GRK3: variants seen among roughly 807,000 people sequenced by gnomAD.
GRK3 encodes adrenergic, beta, receptor kinase 2.
A neutral mutation model predicts 95.7 loss-of-function variants in GRK3; 54 were observed. The observed-to-expected ratio is 0.56, with a 90% CI of 0.45 to 0.71. GRK3 has a LOEUF of 0.71. Among genes scored for constraint, GRK3 ranks in the 30% least tolerant of loss-of-function variants. The pLI is 0.00. For missense variants in GRK3, 649 were observed against 851.2 expected (o/e 0.76, Z 2.96); for synonymous variants, 281 against 290.8 (o/e 0.97, Z 0.34).
rs1213459175 is a variant in GRK3 at position 25,724,125 on chromosome 22, C to A, written c.*1675C>A. The stretch of plus-strand genomic sequence containing the variant: ...TTCAAATTCTGTTGAAACACACACA[C>A]ACACACACACACACACACACACACA... On this transcript the variant is annotated 3_prime_UTR_variant, in exon 21 of 21. Transcript: ENST00000324198. 3 of 151,728 alleles carry A rather than the reference C, an allele frequency of 2.0e-5. No individual in the cohort carries two copies. The highest frequency in any genetic ancestry group is 4.4e-5 in the Non-Finnish European group (3 of 68,008). 9.4% of individuals were successfully genotyped at this position (151,728 alleles called of 1,614,324 possible).
chr22:25,705,650 G>A (rs1253223712), intron 15 of GRK3, among the ~76,000 whole-genome samples: 1 of 151,888 alleles, frequency 6.6e-6, no homozygotes, highest in Admixed American at 6.6e-5. Context: ...GATAGTTGTG[G>A]ACTTTGTTTT....
At chr22:25,606,391 T>A (rs982633854) in intron 2 of GRK3, among the ~76,000 whole-genome samples, 16 of 152,170 alleles carry the variant, frequency 1.1e-4, no homozygotes, top group Non-Finnish European at 2.1e-4. Context: ...CGGAGCTGTC[T>A]AGTGTTGTTG....
rs564659534 is a variant in GRK3 at position 25,643,864 on chromosome 22, GTC to G, written c.191-726_191-725del. ...TGTGTACCAGGCATTGTGCAATAGGGTCTGTCTCATCAGAGAAGACTTCAGAG... is the reference window on the plus strand; with the variant it reads ...TGTGTACCAGGCATTGTGCAATAGGGTGTCTCATCAGAGAAGACTTCAGAG... On this transcript the variant is annotated intron_variant, in intron 2 of 20. Transcript: ENST00000324198. Among the ~76,000 whole-genome samples, 106 of 152,290 alleles carry G rather than the reference GTC, an allele frequency of 7.0e-4. No homozygotes were observed. In the East Asian group the frequency reaches 0.013, roughly 18 times the overall value.
intron 1 of GRK3, 76 bp from the exon 2 acceptor site, chr22:25,604,301 G>A (rs1057231303): frequency 9.2e-5 from 98 of 1,066,776 alleles, no homozygotes; most frequent in Non-Finnish European, 1.2e-4. Context: ...CAAGACATCC[G>A]TATCTCTTCC....
intron 1 of GRK3, among the ~76,000 whole-genome samples, chr22:25,585,581 A>G (rs1370100072): frequency 1.3e-5 from 2 of 151,064 alleles, no homozygotes; most frequent in African/African-American, 4.9e-5. Context: ...GTTAATTACA[A>G]AGTTTTAAAG....
intron 15 of GRK3, among the ~76,000 whole-genome samples, chr22:25,707,195 C>T (rs1273575426): frequency 6.6e-6 from 1 of 152,174 alleles, no homozygotes; most frequent in East Asian, 1.9e-4. Flanking sequence ...AAGTTGCATG[C>T]TTTCATGCAA....
chr22:25,629,464 AC>A (rs2084649725), intron 2 of GRK3, among the ~76,000 whole-genome samples: 1 of 152,222 alleles, frequency 6.6e-6, no homozygotes, highest in South Asian at 2.1e-4. Context: ...AACTACGGTT[AC>A]TAGTTTCTCC....
At chr22:25,645,092 T>C (rs945313810) in intron 3 of GRK3, among the ~76,000 whole-genome samples, 5 of 151,390 alleles carry the variant, frequency 3.3e-5, no homozygotes, top group Admixed American at 2.0e-4. Context: ...TGGTGGGGGG[T>C]GTGGTGGGGT....
At chr22:25,613,965 A>T (rs928501176) in intron 2 of GRK3, among the ~76,000 whole-genome samples, 2 of 150,892 alleles carry the variant, frequency 1.3e-5, no homozygotes, top group Non-Finnish European at 2.9e-5. Context: ...TAAAATTATC[A>T]TTCAAGTTCA....
At chr22:25,701,315 G>A (rs572839713) in intron 13 of GRK3, among the ~76,000 whole-genome samples, 1 of 152,164 alleles carries the variant, frequency 6.6e-6, no homozygotes, top group Non-Finnish European at 1.5e-5. Flanking sequence ...TTTCTTTAAC[G>A]TTTTTCAAAA....
chr22:25,665,189 G>T (rs2084933936), intron 5 of GRK3, among the ~76,000 whole-genome samples: 2 of 152,160 alleles, frequency 1.3e-5, no homozygotes, highest in African/African-American at 4.8e-5. Flanking sequence ...CTTTGTACGA[G>T]GCCCGCCTAT....
chr22:25,633,397 G>A (rs967263517), intron 2 of GRK3, among the ~76,000 whole-genome samples: 21 of 152,118 alleles, frequency 1.4e-4, no homozygotes, highest in Admixed American at 3.9e-4. Flanking sequence ...GGGAAGAATG[G>A]CCATCTTACC....
chr22:25,584,143 A>G (rs750146216), intron 1 of GRK3, among the ~76,000 whole-genome samples: 27 of 152,226 alleles, frequency 1.8e-4, no homozygotes, highest in Admixed American at 2.6e-4. Flanking sequence ...TTTGTTTTGA[A>G]AAGTGGCTTT....
At chr22:25,678,678 G>C in intron 8 of GRK3, 138 bp from the exon 9 acceptor site, 1 of 439,472 alleles carries the variant, frequency 2.3e-6, no homozygotes. Flanking sequence ...AATACTTCTT[G>C]CATGGCGCTT....
At chr22:25,663,583 A>G (rs764080527) in intron 4 of GRK3, 47 bp from the exon 5 acceptor site, 6 of 1,276,878 alleles carry the variant, frequency 4.7e-6, no homozygotes, top group Admixed American at 3.7e-5. Context: ...ACATACACAG[A>G]TTGGTTACAT....
chr22:25,587,841 T>G (rs950437807), intron 1 of GRK3, among the ~76,000 whole-genome samples: 26 of 152,340 alleles, frequency 1.7e-4, no homozygotes, highest in African/African-American at 6.0e-4. Flanking sequence ...CCTGCTGCTA[T>G]GTAAGACGTA....
At chr22:25,692,854 G>A (rs565072994) in intron 12 of GRK3, among the ~76,000 whole-genome samples, 1 of 152,184 alleles carries the variant, frequency 6.6e-6, no homozygotes, top group Non-Finnish European at 1.5e-5. Flanking sequence ...GCTTTGGCAT[G>A]ATCTATTTAG....
chr22:25,680,029 T>G (rs79962240), intron 9 of GRK3, among the ~76,000 whole-genome samples: 2,401 of 152,336 alleles, frequency 0.016, 32 homozygotes, highest in Middle Eastern at 0.065. Flanking sequence ...CAGTGCTCCT[T>G]TTATCATCAC....
At chr22:25,617,212 A>G (rs2084546323) in intron 2 of GRK3, among the ~76,000 whole-genome samples, 1 of 152,192 alleles carries the variant, frequency 6.6e-6, no homozygotes, top group Non-Finnish European at 1.5e-5. Context: ...AGCCTTTGGA[A>G]TTTGCTCTTT....
Sources: allele counts gnomAD v4.1 joint callset (sites outside exome capture counted in the v4.1 genomes callset), GRCh38; gene constraint gnomAD v4.1.1; transcripts MANE v1.5; gene names NCBI Gene and HGNC (gene_info 2026-07-23, HGNC 2026-07-21).